Variants in DUS3L observed in about 807,000 individuals in gnomAD.
DUS3L encodes the protein tRNA-dihydrouridine(47) synthase [NAD(P)(+)]-like.
DUS3L carries 62 observed loss-of-function variants against 74.6 expected under a neutral mutation model. The observed-to-expected ratio is 0.83, with a 90% CI of 0.68 to 1.03. The LOEUF is 1.03. Ranked by LOEUF, DUS3L falls within the 50% of genes least tolerant of loss-of-function variation. The pLI is 0.00. For synonymous variants in DUS3L, 433 were observed against 395.7 expected, an observed-to-expected ratio of 1.09 and a Z score of -1.12; for missense variants, 884 against 924.4, an observed-to-expected ratio of 0.96 and a Z score of 0.57.
intron 4 of DUS3L, 39 bp downstream of exon 4, chr19:5,788,318 C>T (rs750787848): frequency 3.2e-5 from 51 of 1,613,114 alleles, no homozygotes; most frequent in Non-Finnish European, 3.6e-5. Context: ...ACCACACTGC[C>T]ACCCTGCCAC....
In DUS3L at chr19:5,790,255, C is replaced by T. The variant is rs2056896872; in HGVS notation, c.179G>A (p.Gly60Glu). 1.2e-6 allele frequency: 2 copies of T among 1,614,178 alleles called. No homozygotes were observed. Among genetic ancestry groups the T allele is most frequent in the East Asian group, 2.2e-5 (1 of 44,874 alleles). The change falls in exon 2 of 13, where the codon GGA (glycine) becomes GAA (glutamate). Residue 60 changes from glycine to glutamate, a missense_variant. Physicochemically the swap from Gly to Glu is moderately conservative, Grantham distance 98. Transcript: ENST00000309061. ...QEKTCRETEVGDPAGNELAEP... is the reference protein window; with the variant it reads ...QEKTCRETEVEDPAGNELAEP... ...AGCCAGCTCATTGCCAGCAGGGTCT[C>T]CTACCTCGGTTTCCCGGCAAGTCTT...
rs755066973 is a variant in DUS3L, at chr19:5,790,152, C to T, written c.282G>A (p.Gly94=). 6 of 1,614,154 alleles carry T rather than the reference C, an allele frequency of 3.7e-6. No individual in the cohort carries two copies. In the South Asian group the frequency reaches 6.6e-5, roughly 18 times the overall value. The change falls in exon 2 of 13, where the codon GGG becomes GGA. Residue 94 remains glycine, a synonymous_variant. Transcript: ENST00000309061. ...CCCTCTTCTGAGTCTGTAGCTGCTC[C>T]CCGGGCTCTGCTGCCTCCTCCGTCT... ...DGQTEEAAEP[G]EQLQTQKRAR...
intron 4 of DUS3L, 31 bp downstream of exon 4, chr19:5,788,326 C>T (rs1022863429): frequency 1.9e-6 from 3 of 1,613,562 alleles, no homozygotes; most frequent in Non-Finnish European, 8.5e-7. Flanking sequence ...GCCACCCTGC[C>T]ACCCGACCAG....
At chr19:5,790,650 A>C (rs776553799) in intron 1 of DUS3L, among the ~76,000 whole-genome samples, 7 of 152,154 alleles carry the variant, frequency 4.6e-5, no homozygotes, top group Non-Finnish European at 8.8e-5. Flanking sequence ...CACATTTCCC[A>C]GCACGCCTTT....
At position 5,787,707 on chromosome 19, in the gene DUS3L, T is replaced by C; in HGVS notation, c.1096-2A>G. On this transcript the variant is annotated splice_acceptor_variant, in intron 5 of 12. Transcript: ENST00000309061. LOFTEE classifies it high-confidence loss of function. ...GGTGTCGGGGAAGGCGCCCTCCAGC[T>C]GTAGGTGGGTAGTGGCAGAACAGGA... is the stretch of plus-strand genomic sequence containing the variant. 1 of 1,612,912 alleles carries C rather than the reference T, an allele frequency of 6.2e-7. No homozygotes were observed. The highest frequency in any genetic ancestry group is 8.5e-7 in the Non-Finnish European group (1 of 1,179,880).
intron 12 of DUS3L, 36 bp downstream of exon 12, chr19:5,785,347 C>T (rs186454399): frequency 1.6e-5 from 26 of 1,604,970 alleles, no homozygotes; most frequent in Admixed American, 6.7e-5. Flanking sequence ...CCCGGGCCCC[C>T]GACTGCAGCT....
intron 5 of DUS3L, 102 bp from the exon 6 acceptor site, chr19:5,787,807 C>T: frequency 6.8e-7 from 1 of 1,474,550 alleles, no homozygotes; most frequent in East Asian, 2.3e-5. Flanking sequence ...CAGTGGCCTC[C>T]TCTCTCGGGG....
In DUS3L at chr19:5,785,622, A is replaced by G; in HGVS notation, c.1732T>C (p.Trp578Arg). The change falls in exon 11 of 13, where the codon TGG (tryptophan) becomes CGG (arginine). Residue 578 changes from tryptophan to arginine, a missense_variant. Transcript: ENST00000309061. ...VEKTRRFLLEWLSFLCRYVPV... is the reference protein window; with the variant it reads ...VEKTRRFLLERLSFLCRYVPV... The stretch of plus-strand genomic sequence containing the variant: ...GCCCACCGGCACAGGAAGGACAGCC[A>G]CTCGAGCAGAAAGCGCCGGGTCTTC... 2 of 1,608,286 alleles carry G rather than the reference A, an allele frequency of 1.2e-6. No homozygotes were observed. The highest frequency in any genetic ancestry group is 1.7e-6 in the Non-Finnish European group (2 of 1,177,456).
intron 5 of DUS3L, 105 bp from the exon 6 acceptor site, chr19:5,787,810 T>C (rs911784117): frequency 6.9e-7 from 1 of 1,458,494 alleles, no homozygotes; most frequent in Admixed American, 1.7e-5. Context: ...TGGCCTCCTC[T>C]CTCGGGGCCT....
At chr19:5,786,251 G>A (rs1196062175) in intron 10 of DUS3L, among the ~76,000 whole-genome samples, 1 of 152,198 alleles carries the variant, frequency 6.6e-6, no homozygotes, top group Admixed American at 6.5e-5. Context: ...CCTGGCCAAA[G>A]CCCAGGACTT....
chr19:5,787,963 G>A, intron 5 of DUS3L, 61 bp downstream of exon 5: 1 of 1,593,244 alleles, frequency 6.3e-7, no homozygotes, highest in Non-Finnish European at 8.5e-7. Context: ...CCTGGAACCT[G>A]GCTCTGAGAC....
At position 5,787,728 on chromosome 19, in the gene DUS3L, C is replaced by A. The variant is rs141180700; in HGVS notation, c.1096-23G>T. ...CAGCTGTAGGTGGGTAGTGGCAGAACAGGAGGGTGAGGGGAGAGTCCGAAC... is the reference window on the plus strand; with the variant it reads ...CAGCTGTAGGTGGGTAGTGGCAGAAAAGGAGGGTGAGGGGAGAGTCCGAAC... On this transcript the variant is annotated intron_variant, in intron 5 of 12. Coordinates refer to ENST00000309061, the MANE Select transcript of DUS3L (RefSeq NM_020175.3). 9.9e-6 allele frequency: 16 copies of A among 1,609,736 alleles called. No individual in the cohort carries two copies. In the African/African-American group the frequency reaches 1.7e-4, roughly 17 times the overall value.
In DUS3L at chr19:5,786,642, C is replaced by G. The variant is rs371737192; in HGVS notation, c.1487-100G>C. On this transcript the variant is annotated intron_variant, in intron 9 of 12. Coordinates refer to ENST00000309061, the MANE Select transcript of DUS3L (RefSeq NM_020175.3). ...AGGAGTTTTGGCTGACCCAGTGGCT[C>G]CCATCAGGGTGGTACGAGGGGGTCC... is the stretch of plus-strand genomic sequence containing the variant. 94 of 1,570,538 alleles carry G rather than the reference C, an allele frequency of 6.0e-5. No homozygotes were observed. In the East Asian group the frequency reaches 9.0e-4, roughly 15 times the overall value.
At chr19:5,786,986 G>C in intron 8 of DUS3L, 75 bp downstream of exon 8, 3 of 1,488,290 alleles carry the variant, frequency 2.0e-6, no homozygotes, top group Non-Finnish European at 2.7e-6. Flanking sequence ...GGGAGGGATG[G>C]GAGGAGAGGA....
rs1441240933 is a variant in DUS3L at position 5,789,635 on chromosome 19, G to C, written c.472C>G (p.Leu158Val). The C allele has an allele frequency of 3.7e-6, 6 of 1,605,250 alleles. No homozygotes were observed. The highest frequency in any genetic ancestry group is 2.2e-5 in the South Asian group (2 of 89,610). Residue 158 changes from leucine to valine, a missense_variant, in exon 3 of 13, where the codon CTG becomes GTG. Coordinates refer to ENST00000309061, the MANE Select transcript of DUS3L (RefSeq NM_020175.3). Reference protein sequence around the residue: ...GRYLETKPADLGPRCVLFETF... With the variant: ...GRYLETKPADVGPRCVLFETF... Reference sequence around the variant, plus strand: ...TCGAAGAGCACGCAGCGGGGGCCCAGGTCGGCCGGCTTGGTCTCCAGGTAG... The same window carrying C: ...TCGAAGAGCACGCAGCGGGGGCCCACGTCGGCCGGCTTGGTCTCCAGGTAG...
At chr19:5,786,980 G>C (rs1038064893) in intron 8 of DUS3L, 81 bp downstream of exon 8, 31 of 1,486,748 alleles carry the variant, frequency 2.1e-5, no homozygotes, top group African/African-American at 1.4e-4. Context: ...TGAAGAGGGA[G>C]GGATGGGAGG....
At position 5,790,123 on chromosome 19, in the gene DUS3L, C is replaced by G. The variant is rs1366005652; in HGVS notation, c.311G>C (p.Arg104Pro). Residue 104 changes from arginine (R) to proline (P), a missense_variant, in exon 2 of 13, where the codon CGG (arginine) becomes CCG (proline). Physicochemically the swap from Arg to Pro is moderately radical, Grantham distance 103. Transcript: ENST00000309061. ...ATGGGGCCGGCCCTTGTTTTGTCCC[C>G]GGGCCCTCTTCTGAGTCTGTAGCTG... ...GEQLQTQKRA[R>P]GQNKGRPHVK... is the part of the protein sequence containing the mutation. 7 of 1,614,008 alleles carry G rather than the reference C, an allele frequency of 4.3e-6. No homozygotes were observed. In the Admixed American group the frequency reaches 8.3e-5, roughly 19 times the overall value.
Position 5,788,021 on chromosome 19 carries a change from G to A in DUS3L, c.1095+3C>T, listed in dbSNP as rs192445950. 2 of 1,612,488 alleles carry A rather than the reference G, an allele frequency of 1.2e-6. No homozygotes were observed. The highest frequency in any genetic ancestry group is 1.7e-6 in the Non-Finnish European group (2 of 1,179,908). On this transcript the variant is annotated splice_donor_region_variant and intron_variant, in intron 5 of 12. Coordinates refer to ENST00000309061, the MANE Select transcript of DUS3L (RefSeq NM_020175.3). ...CTCTCCCTCCCTCGGGGTGGGCACT[G>A]ACCTGGACGCCAAAGATGTCCTCAC... is the stretch of plus-strand genomic sequence containing the variant.
At chr19:5,788,314 C>T in intron 4 of DUS3L, 43 bp downstream of exon 4, 1 of 1,613,048 alleles carries the variant, frequency 6.2e-7, no homozygotes, top group Non-Finnish European at 8.5e-7. Flanking sequence ...AATGACCACA[C>T]TGCCACCCTG....
Sources: gnomAD v4.1 joint callset for allele counts (sites outside exome capture counted in the v4.1 genomes callset) on GRCh38, gnomAD v4.1.1 for gene constraint, MANE v1.5 for transcripts, NCBI Gene and HGNC (gene_info 2026-07-23, HGNC 2026-07-21) for gene names.